ANGPTL1: variants seen among roughly 807,000 people sequenced by gnomAD.
The protein encoded by ANGPTL1 is angiopoietin like 1, also known as angiopoietin-related protein 1.
In ANGPTL1, 36 loss-of-function variants were observed where a neutral mutation model predicts 46.7. That is an observed-to-expected ratio of 0.77 (90% CI 0.59 to 1.02). The LOEUF (loss-of-function observed/expected upper bound fraction) is 1.02, where lower values mean the gene tolerates loss of function less well. Ranked by LOEUF, ANGPTL1 falls within the 50% of genes least tolerant of loss-of-function variation. The pLI is 0.00. For missense variants in ANGPTL1, 571 were observed against 594.7 expected (o/e 0.96, Z 0.41); for synonymous variants, 221 against 204.3 (o/e 1.08, Z -0.69).
chr1:178,856,637 C>T (rs1657607179), intron 3 of ANGPTL1, among the ~76,000 whole-genome samples: 1 of 151,588 alleles, frequency 6.6e-6, no homozygotes, highest in South Asian at 2.1e-4. Flanking sequence ...ATTCAGAGCC[C>T]TTAACACTAT....
chr1:178,865,056 T>G lies in ANGPTL1; in HGVS notation c.721A>C (p.Arg241=). Residue 241 remains arginine (R), a synonymous_variant, in exon 3 of 6, where the codon AGG becomes CGG. Transcript: ENST00000234816. ...AAATCTCTGGGATAACCTGGATCCCTCTGAATCTCGTTACCTCCCAGCAGA... is the reference window on the plus strand; with the variant it reads ...AAATCTCTGGGATAACCTGGATCCCGCTGAATCTCGTTACCTCCCAGCAGA... The part of the protein sequence containing the change: ...PGLLGGNEIQ[R]DPGYPRDLMP... The G allele has an allele frequency of 1.3e-6, 2 of 1,514,942 alleles. No individual in the cohort carries two copies. The highest frequency in any genetic ancestry group is 2.8e-5 in the African/African-American group (2 of 71,856). The allele number at this position is 1,514,942 out of a possible 1,614,324, so 93.8% of individuals were successfully genotyped here.
intron 3 of ANGPTL1, 68 bp downstream of exon 3, chr1:178,864,886 G>T: frequency 1.9e-6 from 2 of 1,066,774 alleles, no homozygotes; most frequent in Non-Finnish European, 2.5e-6. Context: ...TTTATTATGA[G>T]CATTGTTTCA....
rs762622080 is a variant in ANGPTL1 at position 178,852,312 on chromosome 1, A to C, written c.1288+371T>G. On this transcript the variant is annotated intron_variant, in intron 5 of 5. Coordinates refer to ENST00000234816, the MANE Select transcript of ANGPTL1 (RefSeq NM_004673.4). Reference sequence around the variant, plus strand: ...TGTTTTGTCTCTCCTCCAGTGAGTAAGCTCCAAAGGGCGGGAACTTTGTTC... The same window carrying C: ...TGTTTTGTCTCTCCTCCAGTGAGTACGCTCCAAAGGGCGGGAACTTTGTTC... Among the ~76,000 whole-genome samples, 74 of 152,158 alleles carry C rather than the reference A, an allele frequency of 4.9e-4. 1 individual carries two copies. Among genetic ancestry groups the C allele is most frequent in the Admixed American group, 4.8e-3 (74 of 15,260 alleles).
At chr1:178,868,798 A>G (rs1380559846) in intron 2 of ANGPTL1, among the ~76,000 whole-genome samples, 1 of 151,998 alleles carries the variant, frequency 6.6e-6, no homozygotes, top group Non-Finnish European at 1.5e-5. Flanking sequence ...GGAGGCAACT[A>G]AAAGTTTAGT....
intron 1 of ANGPTL1, 81 bp from the exon 2 acceptor site, chr1:178,869,304 A>C (rs1203174009): frequency 6.6e-6 from 1 of 152,110 alleles, no homozygotes; most frequent in Non-Finnish European, 1.5e-5. Context: ...TGGCTGTGTC[A>C]TGCACTGAAA....
intron 3 of ANGPTL1, among the ~76,000 whole-genome samples, chr1:178,858,197 A>G (rs1341732735): frequency 6.6e-6 from 1 of 152,184 alleles, no homozygotes; most frequent in Non-Finnish European, 1.5e-5. Context: ...TTTTATAAAC[A>G]TACCATTAAC....
intron 3 of ANGPTL1, among the ~76,000 whole-genome samples, chr1:178,854,639 A>G (rs1657408385): frequency 6.6e-6 from 1 of 152,176 alleles, no homozygotes; most frequent in Non-Finnish European, 1.5e-5. Context: ...TAGTTGATAG[A>G]TGTTCTAGAG....
In ANGPTL1 at chr1:178,849,556, G is replaced by A. The variant is rs1480482014; in HGVS notation, c.*1573C>T. The A allele has an allele frequency of 6.6e-6, 1 of 152,222 alleles. No homozygotes were observed. Among genetic ancestry groups the A allele is most frequent in the Non-Finnish European group, 1.5e-5 (1 of 68,040 alleles). 9.4% of individuals were successfully genotyped at this position (152,222 alleles called of 1,614,324 possible). On this transcript the variant is annotated 3_prime_UTR_variant, in exon 6 of 6. Coordinates refer to ENST00000234816, the MANE Select transcript of ANGPTL1 (RefSeq NM_004673.4). ...TCAATAACTGAGAAGCCTTGGTAAA[G>A]TTTTATTCACTTAAGATTTGGTGTA...
chr1:178,870,448 C>G (rs1192260388), intron 1 of ANGPTL1, among the ~76,000 whole-genome samples: 1 of 152,108 alleles, frequency 6.6e-6, no homozygotes, highest in Non-Finnish European at 1.5e-5. Context: ...AAATTTCTTT[C>G]TACTGTCACT....
chr1:178,870,638 A>G (rs1256038389), intron 1 of ANGPTL1, 103 bp downstream of exon 1: 16 of 152,200 alleles, frequency 1.1e-4, no homozygotes, highest in Admixed American at 1.0e-3. Context: ...GTATATTCCA[A>G]AGGTCTTTGT....
In ANGPTL1 at chr1:178,852,863, C is replaced by A; in HGVS notation, c.1108G>T (p.Glu370Ter). 1 of 1,613,892 alleles carries A rather than the reference C, an allele frequency of 6.2e-7. No homozygotes were observed. Among genetic ancestry groups the A allele is most frequent in the Non-Finnish European group, 8.5e-7 (1 of 1,179,832 alleles). ...SNQDNYKLLI[E>*]LEDWSDKKVY... is the part of the protein sequence containing the mutation. ...TTTTTATCACTCCAGTCTTCTAATTCAATCAATAACTTGTAATTATCTTGA... is the reference window on the plus strand; with the variant it reads ...TTTTTATCACTCCAGTCTTCTAATTAAATCAATAACTTGTAATTATCTTGA... Residue 370 changes from glutamate (E) to a stop codon, truncating the protein, a stop_gained, in exon 5 of 6, where the codon GAA becomes TAA. Coordinates refer to ENST00000234816, the MANE Select transcript of ANGPTL1 (RefSeq NM_004673.4). LOFTEE classifies it high-confidence loss of function.
Position 178,865,672 on chromosome 1 carries a change from T to C in ANGPTL1, c.105A>G (p.Arg35=). The C allele has an allele frequency of 5.6e-6, 9 of 1,614,094 alleles. No individual in the cohort carries two copies. The highest frequency in any genetic ancestry group is 7.6e-6 in the Non-Finnish European group (9 of 1,179,964). The change falls in exon 3 of 6, where the codon AGA becomes AGG. Residue 35 remains arginine (R), a synonymous_variant. Coordinates refer to ENST00000234816, the MANE Select transcript of ANGPTL1 (RefSeq NM_004673.4). ...QFKIKKINQR[R]YPRATDGKEE... is the part of the protein sequence containing the mutation. Reference sequence around the variant, plus strand: ...CTTTACCATCTGTGGCACGAGGGTATCTTCTCTGGTTTATTTTTTTAATTT... The same window carrying C: ...CTTTACCATCTGTGGCACGAGGGTACCTTCTCTGGTTTATTTTTTTAATTT...
intron 3 of ANGPTL1, among the ~76,000 whole-genome samples, chr1:178,854,073 C>T (rs1025734388): frequency 1.3e-5 from 2 of 151,912 alleles, no homozygotes; most frequent in African/African-American, 4.8e-5. Flanking sequence ...CATTTTCATG[C>T]AGCTATAGTC....
rs1309780963 is a variant in ANGPTL1 at position 178,865,078 on chromosome 1, C to T, written c.699G>A (p.Leu233=). The T allele has an allele frequency of 2.0e-6, 3 of 1,526,704 alleles. No homozygotes were observed. The highest frequency in any genetic ancestry group is 2.6e-6 in the Non-Finnish European group (3 of 1,136,614). 94.6% of individuals were successfully genotyped at this position (1,526,704 alleles called of 1,614,324 possible). A position where few individuals can be genotyped will look rare whatever the true frequency, so the allele number is the denominator to read the frequency against. ...IPNSQQYTPG[L]LGGNEIQRDP... ...CCCTCTGAATCTCGTTACCTCCCAG[C>T]AGACCAGGAGTATACTGTTGGCTGT... is the stretch of plus-strand genomic sequence containing the variant. Residue 233 remains leucine (L), a synonymous_variant, in exon 3 of 6, where the codon CTG becomes CTA. Coordinates refer to ENST00000234816, the MANE Select transcript of ANGPTL1 (RefSeq NM_004673.4).
At chr1:178,853,028 A>C (rs1393652550) in intron 4 of ANGPTL1, 75 bp from the exon 5 acceptor site, 2 of 1,513,974 alleles carry the variant, frequency 1.3e-6, no homozygotes, top group African/African-American at 2.8e-5. Context: ...GCAGTGTTAA[A>C]CATTCGATAG....
intron 3 of ANGPTL1, among the ~76,000 whole-genome samples, chr1:178,856,214 T>G (rs749405974): frequency 0.079 from 5,905 of 74,818 alleles, 242 homozygotes; most frequent in Non-Finnish European, 0.12. Flanking sequence ...TATATATATA[T>G]ATATATATAT....
intron 3 of ANGPTL1, among the ~76,000 whole-genome samples, chr1:178,860,971 T>A (rs1354583528): frequency 6.6e-6 from 1 of 152,220 alleles, no homozygotes; most frequent in Non-Finnish European, 1.5e-5. Context: ...ATAGCCAGCC[T>A]ATTTGTTGTT....
In ANGPTL1 at chr1:178,853,640, C is replaced by G; in HGVS notation, c.971G>C (p.Arg324Thr). The G allele has an allele frequency of 1.2e-6, 2 of 1,609,472 alleles. No individual in the cohort carries two copies. Among genetic ancestry groups the G allele is most frequent in the South Asian group, 1.1e-5 (1 of 90,324 alleles). ...DPGGWTVIQKRTDGSVNFFRN... is the reference protein window; with the variant it reads ...DPGGWTVIQKTTDGSVNFFRN... ...GAAGAAGTTGACAGAGCCGTCTGTT[C>G]TTTTCTGAATAACAGTCCAACCCCC... The change falls in exon 4 of 6, where the codon AGA becomes ACA. Residue 324 changes from arginine to threonine, a missense_variant. Transcript: ENST00000234816.
At chr1:178,855,314 AC>A (rs1183476191) in intron 3 of ANGPTL1, among the ~76,000 whole-genome samples, 8 of 117,586 alleles carry the variant, frequency 6.8e-5, no homozygotes, top group Non-Finnish European at 1.4e-4. Context: ...TTTTTTTTTT[AC>A]TTCATATCAT....
Sources: gnomAD v4.1 joint callset for allele counts (sites outside exome capture counted in the v4.1 genomes callset) on GRCh38, gnomAD v4.1.1 for gene constraint, MANE v1.5 for transcripts, NCBI Gene and HGNC (gene_info 2026-07-23, HGNC 2026-07-21) for gene names.